KHDRBS3: variants seen among roughly 807,000 people sequenced by gnomAD.
The protein encoded by KHDRBS3 is KH domain-containing, RNA-binding, signal transduction-associated protein 3.
KHDRBS3 carries 23 observed loss-of-function variants against 45.6 expected under a neutral mutation model. That is an observed-to-expected ratio of 0.50 (90% confidence interval 0.36 to 0.72). The LOEUF (loss-of-function observed/expected upper bound fraction) is 0.72, where lower values mean the gene tolerates loss of function less well. KHDRBS3 is among the 30% of genes least tolerant of loss of function. The pLI is 0.00. For missense variants in KHDRBS3, 352 were observed against 424.8 expected (o/e 0.83, Z 1.51); for synonymous variants, 162 against 156.5 (o/e 1.04, Z -0.26).
chr8:135,518,792 G>A (rs929108479), intron 1 of KHDRBS3, among the ~76,000 whole-genome samples: 16 of 141,634 alleles, frequency 1.1e-4, no homozygotes, highest in African/African-American at 4.0e-4. Flanking sequence ...GTGTGTGTGT[G>A]TCAATTCTAT....
chr8:135,530,069 A>AAAAAAAAAAAG (rs1341004544), intron 2 of KHDRBS3, among the ~76,000 whole-genome samples: 1 of 151,656 alleles, frequency 6.6e-6, no homozygotes, highest in African/African-American at 2.4e-5. Flanking sequence ...CAAAAAAAAA[A>AAAAAAAAAAAG]AAAGAAATTA....
At chr8:135,581,533 C>T (rs1028429669) in intron 5 of KHDRBS3, among the ~76,000 whole-genome samples, 8 of 152,186 alleles carry the variant, frequency 5.3e-5, no homozygotes, top group Middle Eastern at 3.2e-3. Flanking sequence ...AGAAAAGGCA[C>T]ACCTCATAGT....
chr8:135,616,507 G>A (rs1002064492), intron 7 of KHDRBS3, among the ~76,000 whole-genome samples: 9 of 152,162 alleles, frequency 5.9e-5, no homozygotes, highest in Non-Finnish European at 1.3e-4. Flanking sequence ...TTATCACTAA[G>A]GAATTGTAGA....
At chr8:135,535,894 G>A (rs1482281715) in intron 2 of KHDRBS3, among the ~76,000 whole-genome samples, 1 of 152,138 alleles carries the variant, frequency 6.6e-6, no homozygotes, top group Admixed American at 6.5e-5. Context: ...CTGAAGATTA[G>A]GCTTTGGTTC....
chr8:135,490,819 G>A (rs1329776631), intron 1 of KHDRBS3, among the ~76,000 whole-genome samples: 1 of 152,144 alleles, frequency 6.6e-6, no homozygotes, highest in East Asian at 1.9e-4. Flanking sequence ...GAGTCAGTGG[G>A]CAGCATGCTG....
intron 1 of KHDRBS3, among the ~76,000 whole-genome samples, chr8:135,509,973 C>CTTTTTTTTTTTT (rs1326914089): frequency 7.1e-6 from 1 of 141,514 alleles, no homozygotes; most frequent in African/African-American, 2.8e-5. Context: ...TTTCCCCCCC[C>CTTTTTTTTTTTT]CTTTTTTTTT....
intron 7 of KHDRBS3, among the ~76,000 whole-genome samples, chr8:135,634,471 A>G (rs925123647): frequency 6.6e-6 from 1 of 152,214 alleles, no homozygotes; most frequent in Non-Finnish European, 1.5e-5. Flanking sequence ...TGGCGTTTTC[A>G]ATGGAAAATT....
intron 2 of KHDRBS3, among the ~76,000 whole-genome samples, chr8:135,534,038 T>A (rs555317744): frequency 6.6e-6 from 1 of 152,316 alleles, no homozygotes; most frequent in East Asian, 1.9e-4. Context: ...AGTCAAAAAA[T>A]CCTAAGTTGA....
chr8:135,470,622 C>G (rs1404874860), intron 1 of KHDRBS3, among the ~76,000 whole-genome samples: 1 of 147,702 alleles, frequency 6.8e-6, no homozygotes, highest in Non-Finnish European at 1.5e-5. Context: ...GTCTTACTGT[C>G]TCACCCAGGC....
At chr8:135,483,497 G>A (rs1157875830) in intron 1 of KHDRBS3, among the ~76,000 whole-genome samples, 2 of 152,120 alleles carry the variant, frequency 1.3e-5, no homozygotes, top group African/African-American at 4.8e-5. Context: ...TCTGCCCTTC[G>A]GAATCTGAAG....
At chr8:135,650,247 T>G (rs1831401796), downstream of KHDRBS3, among the ~76,000 whole-genome samples, 1 of 152,096 alleles carries the variant, frequency 6.6e-6, no homozygotes, top group South Asian at 2.1e-4. Flanking sequence ...GACACACAAC[T>G]TTGCTATTGC....
intron 3 of KHDRBS3, among the ~76,000 whole-genome samples, chr8:135,547,226 T>C (rs1237628805): frequency 6.6e-6 from 1 of 152,214 alleles, no homozygotes; most frequent in Non-Finnish European, 1.5e-5. Context: ...TGGCAGCTTA[T>C]ATTTACATAT....
chr8:135,501,427 C>G (rs113909753), intron 1 of KHDRBS3, among the ~76,000 whole-genome samples: 12 of 152,058 alleles, frequency 7.9e-5, no homozygotes, highest in Non-Finnish European at 7.4e-5. Context: ...CTATGAGTTG[C>G]AAAAATTATT....
rs1284280405 is a variant in KHDRBS3, at chr8:135,535,946, C to T, written c.208-6708C>T. ...ATAGGTGGCTCTGGGCAGATTTCAGCAATCCCTTATCCCCCACTATCTCCC... is the reference window on the plus strand; with the variant it reads ...ATAGGTGGCTCTGGGCAGATTTCAGTAATCCCTTATCCCCCACTATCTCCC... On this transcript the variant is annotated intron_variant, in intron 2 of 8. Coordinates refer to ENST00000355849, the MANE Select transcript of KHDRBS3 (RefSeq NM_006558.3). Among the ~76,000 whole-genome samples, 3 of 152,148 alleles carry T rather than the reference C, an allele frequency of 2.0e-5. No individual in the cohort carries two copies. The South Asian group carries it at 6.2e-4, about 31-fold the overall frequency.
At chr8:135,494,220 A>G (rs1823300069) in intron 1 of KHDRBS3, among the ~76,000 whole-genome samples, 1 of 141,532 alleles carries the variant, frequency 7.1e-6, no homozygotes, top group Non-Finnish European at 1.6e-5. Context: ...AATATTTTGT[A>G]CTTGTAATTT....
intron 1 of KHDRBS3, among the ~76,000 whole-genome samples, chr8:135,466,697 A>G (rs1821714153): frequency 6.6e-6 from 1 of 152,178 alleles, no homozygotes; most frequent in Non-Finnish European, 1.5e-5. Context: ...GTGGGCTGAG[A>G]CTTGATGAGT....
rs1563784095 is a variant in KHDRBS3 at position 135,581,867 on chromosome 8, C to G, written c.612-11C>G. On this transcript the variant is annotated splice_polypyrimidine_tract_variant and intron_variant, in intron 5 of 8. Coordinates refer to ENST00000355849, the MANE Select transcript of KHDRBS3 (RefSeq NM_006558.3). ...TGATAGATACTGCTAATTTGACTCT[C>G]TTGGTTACAGGGGAAGGGGAGGAGT... The G allele has an allele frequency of 6.4e-7, 1 of 1,561,730 alleles. No individual in the cohort carries two copies. Among genetic ancestry groups the G allele is most frequent in the Non-Finnish European group, 8.7e-7 (1 of 1,148,006 alleles).
At chr8:135,482,005 A>G (rs1302507388) in intron 1 of KHDRBS3, among the ~76,000 whole-genome samples, 1 of 152,134 alleles carries the variant, frequency 6.6e-6, no homozygotes, top group Non-Finnish European at 1.5e-5. Context: ...TTGCCTTTCA[A>G]ATAGAATTTG....
At chr8:135,460,344 A>G (rs577641181) in intron 1 of KHDRBS3, among the ~76,000 whole-genome samples, 1 of 152,164 alleles carries the variant, frequency 6.6e-6, no homozygotes, top group Non-Finnish European at 1.5e-5. Context: ...AAGGCCTTAC[A>G]TTTGCATAGT....
Sources: allele counts gnomAD v4.1 joint callset (sites outside exome capture counted in the v4.1 genomes callset), GRCh38; gene constraint gnomAD v4.1.1; transcripts MANE v1.5; gene names NCBI Gene and HGNC (gene_info 2026-07-23, HGNC 2026-07-21).